Variants in ST8SIA6 observed in about 807,000 individuals in gnomAD.
The protein encoded by ST8SIA6 is alpha-2,8-sialyltransferase 8F.
Under a neutral mutation model 33.6 loss-of-function variants are expected in ST8SIA6, and 39 were observed. The observed-to-expected ratio is 1.16, with a 90% confidence interval of 0.90 to 1.52. ST8SIA6 has a LOEUF of 1.52. ST8SIA6 is among the 40% of genes most tolerant of loss of function. The pLI, the probability that ST8SIA6 is intolerant of heterozygous loss-of-function variation, is 0.00. For missense variants in ST8SIA6, 441 were observed against 443.8 expected, an observed-to-expected ratio of 0.99 and a Z score of 0.06; for synonymous variants, 172 against 167.2, an observed-to-expected ratio of 1.03 and a Z score of -0.22.
intron 6 of ST8SIA6, among the ~76,000 whole-genome samples, chr10:17,324,621 A>G (rs1490720616): frequency 6.6e-6 from 1 of 151,148 alleles, no homozygotes; most frequent in East Asian, 1.9e-4. Flanking sequence ...AAAATATCTC[A>G]GAATATATTT....
At chr10:17,390,263 A>C (rs532249547) in intron 3 of ST8SIA6, among the ~76,000 whole-genome samples, 1 of 152,140 alleles carries the variant, frequency 6.6e-6, no homozygotes, top group Non-Finnish European at 1.5e-5. Flanking sequence ...GATTACAGCC[A>C]TGAGCCACCG....
chr10:17,446,182 T>C (rs1852700051), intron 2 of ST8SIA6, among the ~76,000 whole-genome samples: 1 of 152,170 alleles, frequency 6.6e-6, no homozygotes, highest in Non-Finnish European at 1.5e-5. Flanking sequence ...CTGATAAGCA[T>C]AGTGGGACAG....
intron 4 of ST8SIA6, among the ~76,000 whole-genome samples, chr10:17,345,714 G>A (rs1191251946): frequency 6.6e-6 from 1 of 152,124 alleles, no homozygotes; most frequent in Non-Finnish European, 1.5e-5. Flanking sequence ...TTCTTCTATG[G>A]GAGAGGGCAA....
intron 2 of ST8SIA6, among the ~76,000 whole-genome samples, chr10:17,445,083 T>G (rs6602194): frequency 0.23 from 34,906 of 152,012 alleles, 7,408 homozygotes; most frequent in African/African-American, 0.57. Context: ...GAAAGGAAAG[T>G]GGTAAAAGGG....
rs1847843703 is a variant in ST8SIA6 at position 17,318,523 on chromosome 10, C to T, written c.*2355G>A. 1 of 374,498 alleles carries T rather than the reference C, an allele frequency of 2.7e-6. No homozygotes were observed. The highest frequency in any genetic ancestry group is 5.3e-6 in the Non-Finnish European group (1 of 189,428). The allele number at this position is 374,498 out of a possible 1,614,324, so 23.2% of individuals were successfully genotyped here. ...GAGCCATTGCGCCTGGCCTAAAGGG[C>T]TGCTCTTGTCTAGTACCAGAACTCA... On this transcript the variant is annotated 3_prime_UTR_variant, in exon 8 of 8. Coordinates refer to ENST00000377602, the MANE Select transcript of ST8SIA6 (RefSeq NM_001004470.3).
At chr10:17,436,374 GT>G (rs1852254966) in intron 2 of ST8SIA6, among the ~76,000 whole-genome samples, 1 of 151,980 alleles carries the variant, frequency 6.6e-6, no homozygotes, top group Non-Finnish European at 1.5e-5. Context: ...GTTTGTTTTT[GT>G]TTTTGTTTTT....
intron 3 of ST8SIA6, among the ~76,000 whole-genome samples, chr10:17,372,394 T>C (rs1849764175): frequency 6.6e-6 from 1 of 152,246 alleles, no homozygotes; most frequent in African/African-American, 2.4e-5. Context: ...AATTCTGCTG[T>C]CATTAAGAGT....
intron 4 of ST8SIA6, among the ~76,000 whole-genome samples, chr10:17,343,770 C>T (rs1259083411): frequency 2.0e-5 from 3 of 152,040 alleles, no homozygotes; most frequent in Non-Finnish European, 4.4e-5. Context: ...ACAGATAGAA[C>T]GTTCTACAGA....
intron 3 of ST8SIA6, among the ~76,000 whole-genome samples, chr10:17,362,620 G>A (rs1444526): frequency 6.6e-6 from 1 of 151,858 alleles, no homozygotes; most frequent in Non-Finnish European, 1.5e-5. Context: ...TCTTGGTCTC[G>A]TCCTTCCCCT....
intron 2 of ST8SIA6, among the ~76,000 whole-genome samples, chr10:17,391,935 G>T (rs970650752): frequency 1.3e-5 from 2 of 152,000 alleles, no homozygotes; most frequent in African/African-American, 4.8e-5. Flanking sequence ...TGTAACATGC[G>T]TCACATATAT....
At chr10:17,360,680 C>T (rs10904936) in intron 3 of ST8SIA6, among the ~76,000 whole-genome samples, 29,035 of 151,742 alleles carry the variant, frequency 0.19, 3,180 homozygotes, top group East Asian at 0.51. Context: ...CCTAAAACAA[C>T]GAGCAAAACC....
chr10:17,368,193 C>T (rs1354591605), intron 3 of ST8SIA6, among the ~76,000 whole-genome samples: 8 of 134,534 alleles, frequency 5.9e-5, no homozygotes, highest in Middle Eastern at 4.5e-3. Context: ...GTCAGGAGTT[C>T]GAGACCAGCC....
At chr10:17,345,025 AAC>A (rs374484166) in intron 4 of ST8SIA6, among the ~76,000 whole-genome samples, 26,680 of 152,154 alleles carry the variant, frequency 0.18, 2,608 homozygotes, top group East Asian at 0.48. Flanking sequence ...TCCCATGGAG[AAC>A]TCTTAGCTAG....
intron 2 of ST8SIA6, among the ~76,000 whole-genome samples, chr10:17,439,686 C>G (rs1852403377): frequency 6.6e-6 from 1 of 152,178 alleles, no homozygotes; most frequent in Non-Finnish European, 1.5e-5. Flanking sequence ...CTTCATCTCC[C>G]CACCGTGTCT....
intron 2 of ST8SIA6, among the ~76,000 whole-genome samples, 184 bp from the exon 3 acceptor site, chr10:17,390,804 A>AAAAAC (rs1013663152): frequency 9.9e-5 from 15 of 151,472 alleles, no homozygotes; most frequent in East Asian, 3.9e-4. Context: ...TAAATGAAAA[A>AAAAAC]AAAAACAAAA....
At chr10:17,340,335 C>T (rs900221581) in intron 4 of ST8SIA6, among the ~76,000 whole-genome samples, 5 of 151,990 alleles carry the variant, frequency 3.3e-5, no homozygotes, top group African/African-American at 1.2e-4. Flanking sequence ...CTGCTCCATC[C>T]TGAGTCACCC....
chr10:17,402,558 A>C (rs1851086723), intron 2 of ST8SIA6, among the ~76,000 whole-genome samples: 2 of 152,276 alleles, frequency 1.3e-5, no homozygotes, highest in African/African-American at 4.8e-5. Context: ...GACTGGATTA[A>C]GAAAACACAT....
At chr10:17,433,886 A>G (rs1169827452) in intron 2 of ST8SIA6, among the ~76,000 whole-genome samples, 1 of 152,078 alleles carries the variant, frequency 6.6e-6, no homozygotes, top group Non-Finnish European at 1.5e-5. Context: ...CTCAACACAT[A>G]TCCTGGGACC....
intron 2 of ST8SIA6, among the ~76,000 whole-genome samples, chr10:17,429,086 T>C (rs564498109): frequency 2.0e-5 from 3 of 152,062 alleles, no homozygotes; most frequent in South Asian, 4.2e-4. Flanking sequence ...TTTCGTTCTG[T>C]AGTGCCCCCT....
Sources: allele counts gnomAD v4.1 joint callset (sites outside exome capture counted in the v4.1 genomes callset), GRCh38; gene constraint gnomAD v4.1.1; transcripts MANE v1.5; gene names NCBI Gene and HGNC (gene_info 2026-07-23, HGNC 2026-07-21).